CSMD1: variants seen among roughly 807,000 people sequenced by gnomAD.
The protein encoded by CSMD1 is CUB and sushi domain-containing protein 1.
A neutral mutation model predicts 417.5 loss-of-function variants in CSMD1; 213 were observed. The observed-to-expected ratio is 0.51, with a 90% CI of 0.46 to 0.57. CSMD1 has a LOEUF of 0.57. Ranked by LOEUF, CSMD1 falls within the 20% of genes least tolerant of loss-of-function variation. CSMD1 has a pLI of 0.00. For missense variants in CSMD1, 6,923 were observed against 4,529.7 expected (o/e 1.53, Z -15.17); for synonymous variants, 2,862 against 1,736.8 (o/e 1.65, Z -16.11).
At chr8:4,928,999 C>A (rs184645821) in intron 1 of CSMD1, among the ~76,000 whole-genome samples, 6 of 151,946 alleles carry the variant, frequency 3.9e-5, no homozygotes, top group African/African-American at 1.2e-4. Flanking sequence ...TGAACCCGGG[C>A]GGCAGAGGTT....
chr8:4,234,990 C>T (rs1164209128), intron 3 of CSMD1, among the ~76,000 whole-genome samples: 1 of 152,140 alleles, frequency 6.6e-6, no homozygotes, highest in Non-Finnish European at 1.5e-5. Context: ...TCAATTTTAT[C>T]CCAAAAGCTC....
In CSMD1 at chr8:3,788,333, T is replaced by C. The variant is rs1328834719; in HGVS notation, c.819-34291A>G. ...GCATAATAAATTAAGGGATGGGCTTTAGGTACCCTGAGGTGTGCAGCCCAT... is the reference window on the plus strand; with the variant it reads ...GCATAATAAATTAAGGGATGGGCTTCAGGTACCCTGAGGTGTGCAGCCCAT... On this transcript the variant is annotated intron_variant, in intron 5 of 69. Transcript: ENST00000635120. 4.6e-5 allele frequency among the ~76,000 whole-genome samples: 7 copies of C among 152,282 alleles called. No individual in the cohort carries two copies. The South Asian group carries it at 6.2e-4, about 14-fold the overall frequency.
chr8:3,296,193 G>C (rs560652923), intron 25 of CSMD1, among the ~76,000 whole-genome samples: 48 of 152,068 alleles, frequency 3.2e-4, no homozygotes, highest in African/African-American at 1.0e-3. Context: ...GGGTGGTTAG[G>C]CTAAGCCATC....
chr8:3,827,643 C>T (rs553794125), intron 5 of CSMD1, among the ~76,000 whole-genome samples: 36 of 152,232 alleles, frequency 2.4e-4, no homozygotes, highest in African/African-American at 7.0e-4. Flanking sequence ...AAAACCTCTT[C>T]GAATAAAACA....
chr8:4,175,574 G>A (rs907505426), intron 3 of CSMD1, among the ~76,000 whole-genome samples: 2 of 151,976 alleles, frequency 1.3e-5, no homozygotes, highest in Non-Finnish European at 2.9e-5. Context: ...TTTTTTGAAA[G>A]GTATATTAGG....
intron 23 of CSMD1, among the ~76,000 whole-genome samples, chr8:3,330,118 G>C (rs17080023): frequency 0.017 from 2,574 of 152,192 alleles, 85 homozygotes; most frequent in African/African-American, 0.059. Context: ...AGTGGGTAGA[G>C]AGCCCTGCAG....
intron 3 of CSMD1, among the ~76,000 whole-genome samples, chr8:4,168,083 C>T (rs962521167): frequency 4.0e-5 from 6 of 151,360 alleles, no homozygotes; most frequent in East Asian, 1.9e-4. Context: ...GAGCTGAAAT[C>T]GCACCACTGC....
At chr8:3,926,109 ACACACAC>A (rs1563218390) in intron 5 of CSMD1, among the ~76,000 whole-genome samples, 10 of 49,206 alleles carry the variant, frequency 2.0e-4, no homozygotes, top group Non-Finnish European at 1.9e-4. Flanking sequence ...ACACACACAC[ACACACAC>A]ACACACACAC....
At chr8:3,157,070 G>T (rs907183592) in intron 39 of CSMD1, among the ~76,000 whole-genome samples, 6 of 151,968 alleles carry the variant, frequency 3.9e-5, no homozygotes, top group Non-Finnish European at 8.8e-5. Flanking sequence ...AATAGGTTTG[G>T]AGAAGCCGAT....
At chr8:4,033,700 T>C (rs1031347783) in intron 3 of CSMD1, among the ~76,000 whole-genome samples, 2 of 152,202 alleles carry the variant, frequency 1.3e-5, no homozygotes, top group Non-Finnish European at 2.9e-5. Context: ...TCTTCAAATA[T>C]TTTACACAGT....
At chr8:3,705,918 G>A (rs997379353) in intron 7 of CSMD1, among the ~76,000 whole-genome samples, 3 of 152,218 alleles carry the variant, frequency 2.0e-5, no homozygotes, top group Non-Finnish European at 4.4e-5. Flanking sequence ...AAATCCTCAT[G>A]TCAGCAATAG....
chr8:4,178,586 T>C (rs979028418), intron 3 of CSMD1, among the ~76,000 whole-genome samples: 4 of 151,344 alleles, frequency 2.6e-5, no homozygotes, highest in African/African-American at 9.7e-5. Context: ...GCCAGGGCAA[T>C]TAGGCAGGAG....
At position 4,662,944 on chromosome 8, in the gene CSMD1, G is replaced by C. The variant is rs543473258; in HGVS notation, c.86-25386C>G. Among the ~76,000 whole-genome samples, 3 of 152,290 alleles carry C rather than the reference G, an allele frequency of 2.0e-5. No homozygotes were observed. The South Asian group carries it at 6.2e-4, about 32-fold the overall frequency. The stretch of plus-strand genomic sequence containing the variant: ...GAAAAAGGAAAGAAAGGCTAAAGAG[G>C]TTACTCTTAAGGAATGTTCTTCAAC... On this transcript the variant is annotated intron_variant, in intron 1 of 69. Transcript: ENST00000635120.
chr8:4,877,816 C>A (rs1380738324), intron 1 of CSMD1, among the ~76,000 whole-genome samples: 1 of 152,062 alleles, frequency 6.6e-6, no homozygotes, highest in African/African-American at 2.4e-5. Flanking sequence ...TTTTCACTAA[C>A]AGGCCCGTCT....
chr8:4,751,420 C>A (rs1336460318), intron 1 of CSMD1, among the ~76,000 whole-genome samples: 2 of 152,010 alleles, frequency 1.3e-5, no homozygotes, highest in Admixed American at 1.3e-4. Flanking sequence ...GAAAAGAGAG[C>A]ATCTCTATAA....
intron 6 of CSMD1, among the ~76,000 whole-genome samples, chr8:3,714,168 C>T (rs1465145541): frequency 6.7e-6 from 1 of 149,982 alleles, no homozygotes; most frequent in African/African-American, 2.4e-5. Flanking sequence ...TAACATATTA[C>T]ATATTATATA....
chr8:3,972,951 TA>T (rs1813186631), intron 5 of CSMD1, among the ~76,000 whole-genome samples: 1 of 152,158 alleles, frequency 6.6e-6, no homozygotes, highest in African/African-American at 2.4e-5. Context: ...TAAAATGAAA[TA>T]AAAATTACTC....
chr8:4,454,716 G>T (rs1030110939), intron 2 of CSMD1, among the ~76,000 whole-genome samples: 4 of 152,124 alleles, frequency 2.6e-5, no homozygotes, highest in Middle Eastern at 3.2e-3. Context: ...GAAACTTTCG[G>T]TAAGTAAATG....
At chr8:4,146,950 G>C (rs144608874) in intron 3 of CSMD1, among the ~76,000 whole-genome samples, 3 of 144,116 alleles carry the variant, frequency 2.1e-5, no homozygotes, top group Non-Finnish European at 2.9e-5. Context: ...TCACCTCACC[G>C]GCATCAGGCA....
Sources: gnomAD v4.1 joint callset for allele counts (sites outside exome capture counted in the v4.1 genomes callset) on GRCh38, gnomAD v4.1.1 for gene constraint, MANE v1.5 for transcripts, NCBI Gene and HGNC (gene_info 2026-07-23, HGNC 2026-07-21) for gene names.